Variants in DIAPH2 observed in about 807,000 individuals in gnomAD.
The protein encoded by DIAPH2 is protein diaphanous homolog 2.
A neutral mutation model predicts 92.7 loss-of-function variants in DIAPH2; 35 were observed. The ratio of observed to expected loss-of-function variants is 0.38; its 90% CI spans 0.29 to 0.50. The LOEUF is 0.50. DIAPH2 is among the 20% of genes least tolerant of loss of function. The pLI, the probability that DIAPH2 is intolerant of heterozygous loss-of-function variation, is 0.94. For missense variants in DIAPH2, 701 were observed against 819.5 expected (o/e 0.86, Z 1.77); for synonymous variants, 301 against 280.4 (o/e 1.07, Z -0.73).
intron 4 of DIAPH2, among the ~76,000 whole-genome samples, chrX:96,826,152 C>T (rs2064814275): frequency 9.0e-6 from 1 of 111,091 alleles, no homozygotes; most frequent in Non-Finnish European, 1.9e-5. Context: ...TGTGGTGGCT[C>T]ACGCCTGTAA....
At chrX:97,300,171 G>A (rs1400821460) in intron 23 of DIAPH2, among the ~76,000 whole-genome samples, 5 of 111,936 alleles carry the variant, frequency 4.5e-5, no homozygotes, top group Admixed American at 9.5e-5. Flanking sequence ...CTATTCTTAG[G>A]AACTTACATA....
chrX:96,989,424 A>G (rs917026982), intron 17 of DIAPH2, among the ~76,000 whole-genome samples: 3 of 111,868 alleles, frequency 2.7e-5, no homozygotes, highest in Non-Finnish European at 5.6e-5. Context: ...TTTTTAATCC[A>G]GAAAAGTTAG....
At chrX:97,048,941 G>T (rs1297931502) in intron 17 of DIAPH2, among the ~76,000 whole-genome samples, 2 of 109,096 alleles carry the variant, frequency 1.8e-5, no homozygotes, top group Non-Finnish European at 3.8e-5. Context: ...GACATACAAA[G>T]ACATTTTAGT....
At chrX:96,964,247 G>T (rs936524746) in intron 16 of DIAPH2, among the ~76,000 whole-genome samples, 1 of 111,754 alleles carries the variant, frequency 8.9e-6, no homozygotes, top group Admixed American at 9.5e-5. Flanking sequence ...TTTATGCTTT[G>T]CTCATAAGAG....
At chrX:97,071,801 A>G (rs1292061717) in intron 17 of DIAPH2, among the ~76,000 whole-genome samples, 1 of 112,008 alleles carries the variant, frequency 8.9e-6, no homozygotes. Flanking sequence ...AAGAAAATCA[A>G]TAATGCATTT....
rs1420246390 is a variant in DIAPH2, at chrX:97,583,729, T to G, written c.3242-15524T>G. Among the ~76,000 whole-genome samples the G allele has an allele frequency of 5.4e-5, 6 of 110,932 alleles. No individual in the cohort carries two copies. In the East Asian group the frequency reaches 1.7e-3, roughly 32 times the overall value. On this transcript the variant is annotated intron_variant, in intron 26 of 26. Coordinates refer to ENST00000324765, the MANE Select transcript of DIAPH2 (RefSeq NM_006729.5). ...AGTTCGAGCTTCCTGGCTGCTTTGT[T>G]TACCTAAGCAAGCCTGGGCAATGGC...
In DIAPH2 at chrX:96,707,638, ACT is replaced by A. The variant is rs778842194; in HGVS notation, c.132+22451_132+22452del. Among the ~76,000 whole-genome samples the A allele has an allele frequency of 1.6e-3, 169 of 108,328 alleles. 2 individuals are homozygous for A. Among genetic ancestry groups the A allele is most frequent in the East Asian group, 0.012 (41 of 3,339 alleles). The allele number at this position is 108,328 out of a possible 115,157, so 94.1% of individuals were successfully genotyped here. On this transcript the variant is annotated intron_variant, in intron 1 of 26. Transcript: ENST00000324765. ...ACTCCAGCCTGGGAGACAGAGTGAG[ACT>A]CTGTCTCAAAAAAATAAATAAGTAA... is the stretch of plus-strand genomic sequence containing the variant.
intron 17 of DIAPH2, among the ~76,000 whole-genome samples, chrX:97,059,489 C>A (rs758594694): frequency 2.7e-5 from 3 of 110,857 alleles, no homozygotes; most frequent in Non-Finnish European, 3.8e-5. Flanking sequence ...GGGGTGCCGA[C>A]CGCCCGCCAT....
At chrX:96,955,074 C>G (rs1013720490) in intron 15 of DIAPH2, among the ~76,000 whole-genome samples, 3 of 111,828 alleles carry the variant, frequency 2.7e-5, no homozygotes, top group African/African-American at 9.8e-5. Flanking sequence ...TGTATTAGTC[C>G]GTTCTCACAC....
At chrX:96,726,675 G>C (rs2064021880) in intron 1 of DIAPH2, among the ~76,000 whole-genome samples, 1 of 112,314 alleles carries the variant, frequency 8.9e-6, no homozygotes, top group Non-Finnish European at 1.9e-5. Flanking sequence ...AGATGTTCTA[G>C]AGTGTGTGTT....
chrX:97,351,680 G>A (rs2069215348), intron 24 of DIAPH2, among the ~76,000 whole-genome samples: 1 of 111,125 alleles, frequency 9.0e-6, no homozygotes, highest in Non-Finnish European at 1.9e-5. Context: ...GCGGGCGCCT[G>A]TAGTCCCAGC....
At chrX:97,178,359 T>TA (rs1480267459) in intron 22 of DIAPH2, among the ~76,000 whole-genome samples, 1 of 110,598 alleles carries the variant, frequency 9.0e-6, no homozygotes. Context: ...TGGTTATTAT[T>TA]ACTAATTTTT....
At chrX:97,396,541 G>A (rs1488330864) in intron 25 of DIAPH2, among the ~76,000 whole-genome samples, 3 of 110,701 alleles carry the variant, frequency 2.7e-5, no homozygotes, top group South Asian at 3.9e-4. Context: ...GTATGGTGGC[G>A]GATGCCTGTA....
intron 23 of DIAPH2, among the ~76,000 whole-genome samples, chrX:97,282,273 C>T (rs952271741): frequency 9.0e-6 from 1 of 111,358 alleles, no homozygotes; most frequent in African/African-American, 3.3e-5. Context: ...CCAGTAGCCA[C>T]TTTTAGTGCT....
At chrX:96,915,805 G>A (rs1014646502) in intron 7 of DIAPH2, among the ~76,000 whole-genome samples, 2 of 111,497 alleles carry the variant, frequency 1.8e-5, no homozygotes, top group Non-Finnish European at 3.8e-5. Context: ...ACATATTCAT[G>A]CTTAGAAAAT....
intron 4 of DIAPH2, among the ~76,000 whole-genome samples, chrX:96,798,131 C>T (rs1167175538): frequency 1.8e-5 from 2 of 112,193 alleles, no homozygotes; most frequent in African/African-American, 6.5e-5. Context: ...GGATTCTTTC[C>T]GTTCTTAAAT....
At position 97,603,292 on chromosome X, in the gene DIAPH2, C is replaced by G. The variant is rs1039812194; in HGVS notation, c.*3975C>G. 2 of 110,654 alleles carry G rather than the reference C, an allele frequency of 1.8e-5. No homozygotes were observed. The highest frequency in any genetic ancestry group is 3.8e-5 in the Non-Finnish European group (2 of 52,930). The allele number at this position is 110,654 out of a possible 1,213,427, so 9.1% of individuals were successfully genotyped here. ...AATGTATTAGAGATGAGGTCTCACT[C>G]TGTCACCCAGGCTGCAGTGTAGTGG... On this transcript the variant is annotated 3_prime_UTR_variant, in exon 27 of 27. Transcript: ENST00000324765.
At chrX:96,930,485 T>C (rs1478903929) in intron 9 of DIAPH2, among the ~76,000 whole-genome samples, 2 of 111,368 alleles carry the variant, frequency 1.8e-5, no homozygotes, top group African/African-American at 6.5e-5. Context: ...TTAATATTTC[T>C]TCATATTATT....
chrX:97,222,524 G>C (rs995671330), intron 22 of DIAPH2, among the ~76,000 whole-genome samples: 2 of 111,515 alleles, frequency 1.8e-5, no homozygotes, highest in Non-Finnish European at 3.8e-5. Flanking sequence ...TTATTGAATA[G>C]AAAAACATGA....
Sources: gnomAD v4.1 joint callset for allele counts (sites outside exome capture counted in the v4.1 genomes callset) on GRCh38, gnomAD v4.1.1 for gene constraint, MANE v1.5 for transcripts, NCBI Gene and HGNC (gene_info 2026-07-23, HGNC 2026-07-21) for gene names.